Variants in CDKL1 observed in about 807,000 individuals in gnomAD.
CDKL1 encodes cyclin dependent kinase like 1.
A neutral mutation model predicts 42.0 loss-of-function variants in CDKL1; 41 were observed. The ratio of observed to expected loss-of-function variants is 0.98; its 90% CI spans 0.76 to 1.27. The LOEUF is 1.27. Ranked by LOEUF, CDKL1 falls within the 50% of genes most tolerant of loss-of-function variation. CDKL1 has a pLI of 0.00. For missense variants in CDKL1, 394 were observed against 428.4 expected (o/e 0.92, Z 0.71); for synonymous variants, 153 against 158.6 (o/e 0.96, Z 0.26).
In CDKL1 at chr14:50,396,209, A is replaced by G. The variant is rs1272779670; in HGVS notation, c.-341T>C. The G allele has an allele frequency of 7.7e-5, 79 of 1,022,130 alleles. No individual in the cohort carries two copies. The Admixed American group carries it at 7.8e-4, about 10-fold the overall frequency. The allele number at this position is 1,022,130 out of a possible 1,614,324, so 63.3% of individuals were successfully genotyped here. The stretch of plus-strand genomic sequence containing the variant: ...TCAAAAAAAAAAAAAAAAAAAAAAA[A>G]AAAAGAAAGAAAGAAAAGAAAAGAA... On this transcript the variant is annotated 5_prime_UTR_variant, in exon 2 of 10. Transcript: ENST00000395834.
At chr14:50,373,165 A>G (rs968376782) in intron 2 of CDKL1, among the ~76,000 whole-genome samples, 1 of 152,208 alleles carries the variant, frequency 6.6e-6, no homozygotes, top group Non-Finnish European at 1.5e-5. Flanking sequence ...CTATGTTAAA[A>G]AAACACTATA....
At chr14:50,392,233 G>A (rs560346468) in intron 2 of CDKL1, among the ~76,000 whole-genome samples, 1 of 152,128 alleles carries the variant, frequency 6.6e-6, no homozygotes, top group Non-Finnish European at 1.5e-5. Context: ...GTCATTTGAG[G>A]TCAGGAGTTT....
chr14:50,342,071 T>G, intron 5 of CDKL1, 61 bp downstream of exon 5: 1 of 1,293,856 alleles, frequency 7.7e-7, no homozygotes, highest in Non-Finnish European at 1.1e-6. Context: ...ATTTAGATCC[T>G]TTGTTGTATC....
chr14:50,391,673 A>G (rs1482449978), intron 2 of CDKL1, among the ~76,000 whole-genome samples: 1 of 152,108 alleles, frequency 6.6e-6, no homozygotes, highest in Non-Finnish European at 1.5e-5. Context: ...GTGAGCCACC[A>G]TGCCTGGCCT....
intron 3 of CDKL1, among the ~76,000 whole-genome samples, chr14:50,357,727 T>G (rs1300116966): frequency 6.6e-6 from 1 of 152,208 alleles, no homozygotes; most frequent in Non-Finnish European, 1.5e-5. Flanking sequence ...GGAGTTCCAC[T>G]AGACTTAATG....
intron 3 of CDKL1, among the ~76,000 whole-genome samples, chr14:50,345,819 G>C (rs961275445): frequency 1.8e-4 from 27 of 152,142 alleles, no homozygotes; most frequent in Non-Finnish European, 2.9e-4. Context: ...TAAACTTCAA[G>C]CCACTGCTCC....
chr14:50,377,881 G>A (rs141578619), intron 2 of CDKL1, among the ~76,000 whole-genome samples: 64 of 152,276 alleles, frequency 4.2e-4, no homozygotes, highest in African/African-American at 1.3e-3. Context: ...GGAGTCAGGA[G>A]GCCTTGCTGG....
chr14:50,343,922 C>T (rs2033639955), intron 4 of CDKL1, among the ~76,000 whole-genome samples: 2 of 152,216 alleles, frequency 1.3e-5, no homozygotes, highest in African/African-American at 4.8e-5. Context: ...CATACTTCCT[C>T]CTTCCGGGAA....
chr14:50,360,786 T>TGTG (rs2034217322), intron 2 of CDKL1, among the ~76,000 whole-genome samples: 4 of 144,604 alleles, frequency 2.8e-5, no homozygotes, highest in Non-Finnish European at 4.5e-5. Flanking sequence ...GTGTGTGTGT[T>TGTG]TGTGTGTGTG....
rs2032779742 is a variant in CDKL1, at chr14:50,328,135, G to A, written c.*1939C>T. ...TAGTCTAGAGCTACTTTTCTATTCT[G>A]AATAGTTTTTGGTAAAACTATTGGC... On this transcript the variant is annotated 3_prime_UTR_variant, in exon 10 of 10. Transcript: ENST00000395834. 6.6e-6 allele frequency: 1 copy of A among 152,110 alleles called. No individual in the cohort carries two copies. Among genetic ancestry groups the A allele is most frequent in the Non-Finnish European group, 1.5e-5 (1 of 68,016 alleles). The allele number at this position is 152,110 out of a possible 1,614,324, so 9.4% of individuals were successfully genotyped here.
intron 6 of CDKL1, 36 bp downstream of exon 6, chr14:50,340,996 C>T: frequency 1.2e-6 from 2 of 1,602,922 alleles, no homozygotes; most frequent in Non-Finnish European, 1.7e-6. Flanking sequence ...GGGAAATATC[C>T]AGTTTTCCAA....
chr14:50,372,263 G>A (rs1054650452), intron 2 of CDKL1, among the ~76,000 whole-genome samples: 12 of 152,108 alleles, frequency 7.9e-5, no homozygotes, highest in South Asian at 4.1e-4. Context: ...GATTACAGGC[G>A]TGCACCACCA....
chr14:50,332,803 T>TA, intron 8 of CDKL1: 3 of 706,948 alleles, frequency 4.2e-6, no homozygotes, highest in Non-Finnish European at 7.0e-6. Context: ...GTTTTTATTT[T>TA]AAAAATGATA....
chr14:50,344,122 G>A (rs991419055), intron 4 of CDKL1, among the ~76,000 whole-genome samples: 4 of 152,194 alleles, frequency 2.6e-5, no homozygotes, highest in African/African-American at 9.7e-5. Flanking sequence ...GGGGCAGCAG[G>A]CTTCCCAGCA....
intron 9 of CDKL1, chr14:50,330,951 C>G (rs1277753340): frequency 6.6e-6 from 1 of 150,560 alleles, no homozygotes; most frequent in African/African-American, 2.4e-5. Flanking sequence ...AGCAGTACAC[C>G]AGGCCAGGTG....
intron 2 of CDKL1, among the ~76,000 whole-genome samples, chr14:50,364,201 G>A (rs898840750): frequency 1.3e-5 from 2 of 152,220 alleles, no homozygotes; most frequent in Non-Finnish European, 2.9e-5. Context: ...TGGGCGTGGT[G>A]ACTCATGCCT....
intron 2 of CDKL1, among the ~76,000 whole-genome samples, chr14:50,371,355 A>G (rs1423697755): frequency 6.6e-6 from 1 of 152,186 alleles, no homozygotes; most frequent in Non-Finnish European, 1.5e-5. Context: ...AACAACTTTA[A>G]GGGTTTCTTT....
intron 2 of CDKL1, among the ~76,000 whole-genome samples, chr14:50,371,923 C>A (rs905943087): frequency 6.6e-6 from 1 of 152,194 alleles, no homozygotes; most frequent in African/African-American, 2.4e-5. Flanking sequence ...CTGTCATGAC[C>A]CAGCCAGGTG....
At chr14:50,387,900 T>A (rs1458794444) in intron 2 of CDKL1, among the ~76,000 whole-genome samples, 1 of 152,022 alleles carries the variant, frequency 6.6e-6, no homozygotes, top group East Asian at 1.9e-4. Flanking sequence ...GTTTGTTTGT[T>A]TGTTTTGTTT....
Sources: allele counts gnomAD v4.1 joint callset (sites outside exome capture counted in the v4.1 genomes callset), GRCh38; gene constraint gnomAD v4.1.1; transcripts MANE v1.5; gene names NCBI Gene and HGNC (gene_info 2026-07-23, HGNC 2026-07-21).